Variants in NRF1 observed in about 807,000 individuals in gnomAD.
NRF1 encodes the protein alpha palindromic-binding protein.
A neutral mutation model predicts 58.5 loss-of-function variants in NRF1; 5 were observed. The observed-to-expected ratio is 0.09, with a 90% CI of 0.04 to 0.18. The LOEUF (loss-of-function observed/expected upper bound fraction) is 0.18. Ranked by LOEUF, NRF1 falls within the 10% of genes least tolerant of loss-of-function variation. The pLI is 1.00. For synonymous variants in NRF1, 224 were observed against 246.7 expected (o/e 0.91, Z 0.86); for missense variants, 288 against 657.7 (o/e 0.44, Z 6.15).
intron 4 of NRF1, among the ~76,000 whole-genome samples, chr7:129,687,631 G>C (rs1465130590): frequency 6.6e-6 from 1 of 152,150 alleles, no homozygotes; most frequent in African/African-American, 2.4e-5. Context: ...CAACAGCCAA[G>C]ACTCACATTC....
intron 9 of NRF1, among the ~76,000 whole-genome samples, chr7:129,721,005 C>CAT (rs1440723528): frequency 6.6e-6 from 1 of 151,544 alleles, no homozygotes; most frequent in Non-Finnish European, 1.5e-5. Flanking sequence ...TACATACATA[C>CAT]ATATATATAA....
At chr7:129,675,283 T>C (rs1287549696) in intron 3 of NRF1, among the ~76,000 whole-genome samples, 2 of 152,222 alleles carry the variant, frequency 1.3e-5, no homozygotes, top group Non-Finnish European at 2.9e-5. Flanking sequence ...CACTGAAGTG[T>C]TGAACTCCTT....
chr7:129,692,396 CA>C (rs1802591309), intron 5 of NRF1, among the ~76,000 whole-genome samples: 1 of 151,968 alleles, frequency 6.6e-6, no homozygotes, highest in East Asian at 1.9e-4. Flanking sequence ...ACAAAAAATA[CA>C]AAAATTAGCT....
At chr7:129,721,480 CTTTTT>C (rs1177344971) in intron 9 of NRF1, among the ~76,000 whole-genome samples, 1 of 137,828 alleles carries the variant, frequency 7.3e-6, no homozygotes. Flanking sequence ...TGCTCTTAGT[CTTTTT>C]TTTTTTTTTT....
intron 1 of NRF1, among the ~76,000 whole-genome samples, chr7:129,639,208 C>T (rs1176159965): frequency 1.6e-4 from 24 of 150,622 alleles, no homozygotes; most frequent in Middle Eastern, 3.4e-3. Context: ...TATAGGCGTG[C>T]GCCACCATGC....
chr7:129,612,656 C>T (rs914752595), intron 1 of NRF1, among the ~76,000 whole-genome samples: 1 of 152,168 alleles, frequency 6.6e-6, no homozygotes, highest in African/African-American at 2.4e-5. Context: ...GGGAGTGGCA[C>T]GCCCCTCCGA....
chr7:129,726,537 ATTTTG>A (rs140139401), intron 9 of NRF1, among the ~76,000 whole-genome samples: 258 of 152,216 alleles, frequency 1.7e-3, no homozygotes, highest in African/African-American at 5.9e-3. Context: ...GAGGTTTATT[ATTTTG>A]TTGTAATTAT....
At chr7:129,634,061 T>TACACACACACACAC (rs141834786) in intron 1 of NRF1, among the ~76,000 whole-genome samples, 9 of 131,462 alleles carry the variant, frequency 6.8e-5, no homozygotes, top group Non-Finnish European at 1.1e-4. Flanking sequence ...TATATATATA[T>TACACACACACACAC]ACACACACAC....
intron 1 of NRF1, among the ~76,000 whole-genome samples, chr7:129,653,653 A>G (rs1337750676): frequency 3.3e-5 from 5 of 151,932 alleles, no homozygotes; most frequent in Non-Finnish European, 5.9e-5. Flanking sequence ...CCTTCCCCCA[A>G]TCCTTGGCAA....
At chr7:129,754,971 G>T in intron 10 of NRF1, 47 bp from the exon 11 acceptor site, 2 of 1,494,410 alleles carry the variant, frequency 1.3e-6, no homozygotes, top group South Asian at 1.4e-5. Context: ...CAGCATCTGG[G>T]AACTTGAGCC....
intron 2 of NRF1, among the ~76,000 whole-genome samples, chr7:129,658,809 AG>A (rs1181336293): frequency 6.6e-6 from 1 of 152,194 alleles, no homozygotes; most frequent in African/African-American, 2.4e-5. Context: ...CAAAAGTATT[AG>A]GAAAAAATTA....
intron 5 of NRF1, among the ~76,000 whole-genome samples, chr7:129,697,475 G>A (rs1802726468): frequency 6.8e-6 from 1 of 148,096 alleles, no homozygotes; most frequent in African/African-American, 2.5e-5. Context: ...TTGAACCCGG[G>A]AGGCGGAGGT....
At chr7:129,748,023 C>T (rs938369813) in intron 10 of NRF1, among the ~76,000 whole-genome samples, 1 of 152,090 alleles carries the variant, frequency 6.6e-6, no homozygotes, top group Non-Finnish European at 1.5e-5. Flanking sequence ...TGCCTATAAT[C>T]CCAGCACTTT....
At chr7:129,732,923 T>G (rs1236416641) in intron 10 of NRF1, among the ~76,000 whole-genome samples, 1 of 151,958 alleles carries the variant, frequency 6.6e-6, no homozygotes, top group Non-Finnish European at 1.5e-5. Flanking sequence ...ATACAAAAAT[T>G]AGCCGGGCAT....
At chr7:129,732,306 C>G (rs1305524361) in intron 10 of NRF1, among the ~76,000 whole-genome samples, 2 of 152,210 alleles carry the variant, frequency 1.3e-5, no homozygotes, top group Non-Finnish European at 1.5e-5. Context: ...ATACAGCTAT[C>G]TTTCATTCCT....
intron 4 of NRF1, among the ~76,000 whole-genome samples, chr7:129,686,429 A>T (rs1802445580): frequency 6.6e-6 from 1 of 152,244 alleles, no homozygotes; most frequent in Non-Finnish European, 1.5e-5. Context: ...AGAAAAAAAG[A>T]TAAATGATAG....
In NRF1 at chr7:129,711,350, C is replaced by T. The variant is rs1477168638; in HGVS notation, c.964-125C>T. On this transcript the variant is annotated intron_variant, in intron 7 of 10. Coordinates refer to ENST00000393232, the MANE Select transcript of NRF1 (RefSeq NM_005011.5). The stretch of plus-strand genomic sequence containing the variant: ...TTTAGTGAGCTATGATTTTAGATTT[C>T]ACATCATAAGGCATATTCTTTGTTA... 6.4e-6 allele frequency: 4 copies of T among 623,148 alleles called. No individual in the cohort carries two copies. The East Asian group carries it at 1.2e-4, about 19-fold the overall frequency. The allele number at this position is 623,148 out of a possible 1,614,324, so 38.6% of individuals were successfully genotyped here.
chr7:129,708,091 T>C (rs1802991824), intron 5 of NRF1, among the ~76,000 whole-genome samples: 1 of 152,196 alleles, frequency 6.6e-6, no homozygotes, highest in Admixed American at 6.5e-5. Flanking sequence ...TTTTTGGTTT[T>C]CAGCTGCAGG....
Position 129,717,275 on chromosome 7 carries a change from A to G in NRF1, c.1122A>G (p.Gln374=). 6.2e-7 allele frequency: 1 copy of G among 1,613,904 alleles called. No individual in the cohort carries two copies. The highest frequency in any genetic ancestry group is 1.1e-5 in the South Asian group (1 of 91,000). Residue 374 remains glutamine, a synonymous_variant, in exon 9 of 11, where the codon CAA becomes CAG. Coordinates refer to ENST00000393232, the MANE Select transcript of NRF1 (RefSeq NM_005011.5). ...GTGAGATGACCATCCAGACGACGCAAGCATCAGAGGCCACCCAGGCGGTGG... is the reference window on the plus strand; with the variant it reads ...GTGAGATGACCATCCAGACGACGCAGGCATCAGAGGCCACCCAGGCGGTGG... ...QGGEMTIQTT[Q]ASEATQAVAS...
Sources: allele counts gnomAD v4.1 joint callset (sites outside exome capture counted in the v4.1 genomes callset), GRCh38; gene constraint gnomAD v4.1.1; transcripts MANE v1.5; gene names NCBI Gene and HGNC (gene_info 2026-07-23, HGNC 2026-07-21).